Variants in MPDZ observed in about 807,000 individuals in gnomAD.
The protein encoded by MPDZ is multiple PDZ domain protein.
In MPDZ, 234 loss-of-function variants were observed where a neutral mutation model predicts 239.1. The ratio of observed to expected loss-of-function variants is 0.98; its 90% CI spans 0.88 to 1.09. The LOEUF (loss-of-function observed/expected upper bound fraction) is 1.09, where lower values mean the gene tolerates loss of function less well. Ranked by LOEUF, MPDZ falls within the 50% of genes least tolerant of loss-of-function variation. The pLI, the probability that MPDZ is intolerant of heterozygous loss-of-function variation, is 0.00. For synonymous variants in MPDZ, 1,048 were observed against 881.3 expected (o/e 1.19, Z -3.35); for missense variants, 3,175 against 2,510.0 (o/e 1.26, Z -5.66).
chr9:13,133,519 T>C (rs1344723222), intron 32 of MPDZ, among the ~76,000 whole-genome samples: 1 of 152,194 alleles, frequency 6.6e-6, no homozygotes, highest in Non-Finnish European at 1.5e-5. Context: ...GACAGATAAC[T>C]AAATTTCATA....
At chr9:13,257,565 G>A (rs1319482418) in intron 1 of MPDZ, among the ~76,000 whole-genome samples, 2 of 152,172 alleles carry the variant, frequency 1.3e-5, no homozygotes, top group Non-Finnish European at 2.9e-5. Flanking sequence ...AGAAGAAGAG[G>A]AGGGTAATTG....
chr9:13,216,896 T>G, intron 9 of MPDZ, 34 bp from the exon 10 acceptor site: 1 of 1,507,946 alleles, frequency 6.6e-7, no homozygotes, highest in Non-Finnish European at 9.1e-7. Flanking sequence ...TTCACAATTT[T>G]CAAAGCACAT....
At chr9:13,109,357 T>C (rs1286114475) in intron 45 of MPDZ, among the ~76,000 whole-genome samples, 3 of 152,280 alleles carry the variant, frequency 2.0e-5, no homozygotes, top group South Asian at 2.1e-4. Context: ...TCATTCTTTT[T>C]CCAGTTTATT....
At chr9:13,184,635 A>G (rs1467926309) in intron 18 of MPDZ, among the ~76,000 whole-genome samples, 1 of 151,984 alleles carries the variant, frequency 6.6e-6, no homozygotes, top group Non-Finnish European at 1.5e-5. Context: ...CCTTACAAAT[A>G]TACATAACAT....
intron 12 of MPDZ, among the ~76,000 whole-genome samples, chr9:13,202,002 T>C (rs948044032): frequency 1.3e-5 from 2 of 152,180 alleles, no homozygotes; most frequent in African/African-American, 2.4e-5. Flanking sequence ...CTTTTGGTAG[T>C]ATCCTATTTC....
chr9:13,117,983 T>C (rs1171509447), intron 39 of MPDZ, among the ~76,000 whole-genome samples: 1 of 151,962 alleles, frequency 6.6e-6, no homozygotes, highest in African/African-American at 2.4e-5. Context: ...TAGCTGGGAT[T>C]ACAGGCATGC....
intron 37 of MPDZ, 52 bp downstream of exon 37, chr9:13,122,035 C>G: frequency 1.9e-6 from 3 of 1,604,520 alleles, no homozygotes; most frequent in South Asian, 2.2e-5. Flanking sequence ...AACACTCCCC[C>G]CAGGAGCCTT....
chr9:13,222,077 C>G (rs965589276), intron 6 of MPDZ, among the ~76,000 whole-genome samples, 156 bp downstream of exon 6: 1 of 151,980 alleles, frequency 6.6e-6, no homozygotes, highest in Non-Finnish European at 1.5e-5. Context: ...CTTTATCATG[C>G]TTAAAGAACA....
At chr9:13,162,339 T>C (rs1347407181) in intron 23 of MPDZ, among the ~76,000 whole-genome samples, 2 of 151,960 alleles carry the variant, frequency 1.3e-5, no homozygotes, top group African/African-American at 4.8e-5. Flanking sequence ...CTGAAGAAGT[T>C]TGCTAATATT....
intron 6 of MPDZ, 130 bp from the exon 7 acceptor site, chr9:13,221,630 A>C (rs1959106018): frequency 5.6e-6 from 5 of 890,580 alleles, no homozygotes; most frequent in Non-Finnish European, 3.2e-6. Flanking sequence ...ATGAGTCCTA[A>C]CAATGTCCCT....
chr9:13,173,115 G>A lies in MPDZ; in HGVS notation c.3055+2637C>T, dbSNP rs1034006966. 2.6e-5 allele frequency among the ~76,000 whole-genome samples: 4 copies of A among 152,220 alleles called. No individual in the cohort carries two copies. In the South Asian group the frequency reaches 8.3e-4, roughly 32 times the overall value. ...AATGGTAGTTGACAGGGGACTGGTAGAGAGAGCAATGGGGAATAATTGTTT... is the reference window on the plus strand; with the variant it reads ...AATGGTAGTTGACAGGGGACTGGTAAAGAGAGCAATGGGGAATAATTGTTT... On this transcript the variant is annotated intron_variant, in intron 21 of 46. Coordinates refer to ENST00000319217, the MANE Select transcript of MPDZ (RefSeq NM_001378778.1).
At position 13,161,232 on chromosome 9, in the gene MPDZ, C is replaced by T. The variant is rs80305273; in HGVS notation, c.3359+1459G>A. On this transcript the variant is annotated intron_variant, in intron 23 of 46. Transcript: ENST00000319217. The stretch of plus-strand genomic sequence containing the variant: ...CAAGATCACAATGAATGCAAGGTCA[C>T]TGGAGACCGTGGTGTTCTGGGATGT... 1.3e-3 allele frequency among the ~76,000 whole-genome samples: 191 copies of T among 152,084 alleles called. 2 individuals are homozygous for T. In the East Asian group the frequency reaches 0.032, roughly 25 times the overall value.
chr9:13,266,243 A>G (rs1169204109), intron 1 of MPDZ, among the ~76,000 whole-genome samples: 2 of 152,246 alleles, frequency 1.3e-5, no homozygotes, highest in Non-Finnish European at 2.9e-5. Context: ...TTCACTCAGG[A>G]AAGAGCAGGC....
At position 13,246,892 on chromosome 9, in the gene MPDZ, T is replaced by C. The variant is rs1468608919; in HGVS notation, c.183+743A>G. On this transcript the variant is annotated intron_variant, in intron 3 of 46. Coordinates refer to ENST00000319217, the MANE Select transcript of MPDZ (RefSeq NM_001378778.1). Reference sequence around the variant, plus strand: ...TGAGATTGACTTCAAACCTTGAAGATAACATTTTTTAAATATTTTTAAAGC... The same window carrying C: ...TGAGATTGACTTCAAACCTTGAAGACAACATTTTTTAAATATTTTTAAAGC... Among the ~76,000 whole-genome samples the C allele has an allele frequency of 2.0e-5, 3 of 152,236 alleles. No individual in the cohort carries two copies. In the East Asian group the frequency reaches 5.8e-4, roughly 29 times the overall value.
intron 10 of MPDZ, among the ~76,000 whole-genome samples, chr9:13,210,416 G>A (rs374514914): frequency 5.7e-5 from 7 of 122,928 alleles, no homozygotes; most frequent in Middle Eastern, 8.3e-3. Context: ...AAAAACTTAA[G>A]AGGAAGTTTT....
In MPDZ at chr9:13,119,573, C is replaced by T. The variant is rs1309445877; in HGVS notation, c.5308G>A (p.Asp1770Asn). 1.5e-5 allele frequency: 24 copies of T among 1,613,860 alleles called. No individual in the cohort carries two copies. The highest frequency in any genetic ancestry group is 2.7e-5 in the African/African-American group (2 of 74,928). Residue 1770 changes from aspartate to asparagine, a missense_variant, in exon 39 of 47, where the codon GAC (aspartate) becomes AAC (asparagine). Physicochemically the swap from Asp to Asn is conservative, Grantham distance 23. Transcript: ENST00000319217. ...TCCCCATTCACCATTAATATCTGGT[C>T]TCCCTGCATCAGTCTTCCATCGGCA... ...ADADGRLMQG[D>N]QILMVNGEDV...
At position 13,113,063 on chromosome 9, in the gene MPDZ, G is replaced by T; in HGVS notation, c.5558-9C>A. On this transcript the variant is annotated splice_polypyrimidine_tract_variant and intron_variant, in intron 41 of 46. Coordinates refer to ENST00000319217, the MANE Select transcript of MPDZ (RefSeq NM_001378778.1). ...CTGTATTTCAGATGCCACTGTAAAGGCAAAAAAGATAAAATAGGGTTATTT... is the reference window on the plus strand; with the variant it reads ...CTGTATTTCAGATGCCACTGTAAAGTCAAAAAAGATAAAATAGGGTTATTT... 6.4e-7 allele frequency: 1 copy of T among 1,561,510 alleles called. No individual in the cohort carries two copies. The highest frequency in any genetic ancestry group is 8.7e-7 in the Non-Finnish European group (1 of 1,152,174).
At chr9:13,264,551 C>T (rs192752528) in intron 1 of MPDZ, among the ~76,000 whole-genome samples, 43 of 152,064 alleles carry the variant, frequency 2.8e-4, no homozygotes, top group African/African-American at 9.9e-4. Context: ...ACTCAACCGA[C>T]CCTCTGAAAG....
intron 3 of MPDZ, among the ~76,000 whole-genome samples, chr9:13,225,099 C>T (rs2136420630): frequency 6.6e-6 from 1 of 152,032 alleles, no homozygotes; most frequent in African/African-American, 2.4e-5. Context: ...TGCTGAACAC[C>T]AAGATCAGGT....
Sources: gnomAD v4.1 joint callset for allele counts (sites outside exome capture counted in the v4.1 genomes callset) on GRCh38, gnomAD v4.1.1 for gene constraint, MANE v1.5 for transcripts, NCBI Gene and HGNC (gene_info 2026-07-23, HGNC 2026-07-21) for gene names.